Variants in RGS22 observed in about 807,000 individuals in gnomAD.
RGS22 encodes the protein regulator of G-protein signaling 22.
A neutral mutation model predicts 172.9 loss-of-function variants in RGS22; 148 were observed. The ratio of observed to expected loss-of-function variants is 0.86; its 90% CI spans 0.75 to 0.98. The LOEUF (loss-of-function observed/expected upper bound fraction) is 0.98, where lower values mean the gene tolerates loss of function less well. RGS22 is among the 50% of genes least tolerant of loss of function. The pLI is 0.00. For missense variants in RGS22, 1,347 were observed against 1,440.8 expected, an observed-to-expected ratio of 0.93 and a Z score of 1.05; for synonymous variants, 458 against 480.2, an observed-to-expected ratio of 0.95 and a Z score of 0.60.
rs370498454 is a variant in RGS22 at position 99,976,578 on chromosome 8, G to A, written c.3519+1339C>T. ...GGGTTTCACCGTGTTAGCCAGGATGGTCTCGATTTCCTGACTTTGTGATCC... is the reference window on the plus strand; with the variant it reads ...GGGTTTCACCGTGTTAGCCAGGATGATCTCGATTTCCTGACTTTGTGATCC... On this transcript the variant is annotated intron_variant, in intron 23 of 27. Coordinates refer to ENST00000360863, the MANE Select transcript of RGS22 (RefSeq NM_015668.5). Among the ~76,000 whole-genome samples, 266 of 152,202 alleles carry A rather than the reference G, an allele frequency of 1.7e-3. 1 individual carries two copies. In the South Asian group the frequency reaches 0.018, roughly 10 times the overall value.
chr8:99,978,840 T>C (rs555557265), intron 22 of RGS22, among the ~76,000 whole-genome samples: 1 of 152,250 alleles, frequency 6.6e-6, no homozygotes, highest in East Asian at 1.9e-4. Flanking sequence ...GGCCTTTACC[T>C]AATACCCTGG....
intron 11 of RGS22, among the ~76,000 whole-genome samples, chr8:100,042,524 G>A (rs1378598408): frequency 6.6e-6 from 1 of 152,114 alleles, no homozygotes; most frequent in African/African-American, 2.4e-5. Context: ...GATTAGTTTG[G>A]GGTGACATAA....
intron 5 of RGS22, 34 bp downstream of exon 5, chr8:100,072,111 T>C (rs1162734109): frequency 1.5e-6 from 2 of 1,291,702 alleles, no homozygotes; most frequent in African/African-American, 1.5e-5. Context: ...TATATATGTA[T>C]TTAAAAATAC....
chr8:99,973,040 A>C (rs1304022426), intron 23 of RGS22, among the ~76,000 whole-genome samples: 8 of 152,232 alleles, frequency 5.3e-5, no homozygotes, highest in South Asian at 2.1e-4. Context: ...ATGTGGAGAA[A>C]TAGGAACACT....
chr8:100,052,732 G>T, intron 10 of RGS22, 70 bp downstream of exon 10: 2 of 1,356,260 alleles, frequency 1.5e-6, no homozygotes, highest in Non-Finnish European at 1.0e-6. Context: ...AATTATCAGT[G>T]CACAAACACT....
intron 2 of RGS22, among the ~76,000 whole-genome samples, chr8:100,096,884 CAAAA>C (rs1223911803): frequency 6.6e-6 from 1 of 151,336 alleles, no homozygotes; most frequent in Non-Finnish European, 1.5e-5. Flanking sequence ...AAGATACAGA[CAAAA>C]AAACTACAGT....
intron 10 of RGS22, among the ~76,000 whole-genome samples, chr8:100,048,190 C>T (rs976067195): frequency 2.6e-5 from 4 of 151,730 alleles, no homozygotes; most frequent in African/African-American, 7.3e-5. Flanking sequence ...AACTAAATGT[C>T]CAAATGGAGA....
intron 9 of RGS22, among the ~76,000 whole-genome samples, chr8:100,053,627 G>A (rs772882713): frequency 7.9e-5 from 12 of 152,148 alleles, no homozygotes; most frequent in Middle Eastern, 3.4e-3. Flanking sequence ...TAAAATTAAC[G>A]TTTAAAACAT....
At chr8:100,055,123 CCTG>C (rs1554628066) in intron 9 of RGS22, among the ~76,000 whole-genome samples, 1 of 152,146 alleles carries the variant, frequency 6.6e-6, no homozygotes, top group Non-Finnish European at 1.5e-5. Context: ...GGCTTTGCCA[CCTG>C]CTAATTGTAG....
chr8:100,069,244 A>T (rs535875997), intron 6 of RGS22, among the ~76,000 whole-genome samples: 1 of 152,386 alleles, frequency 6.6e-6, no homozygotes, highest in African/African-American at 2.4e-5. Flanking sequence ...GTGCCTATCC[A>T]GAATGCTGTG....
chr8:100,033,859 A>G (rs1316626443), intron 14 of RGS22, among the ~76,000 whole-genome samples: 1 of 152,198 alleles, frequency 6.6e-6, no homozygotes, highest in East Asian at 1.9e-4. Flanking sequence ...AACAATCACA[A>G]AAACCAGATG....
At chr8:100,009,263 C>T (rs1422307242) in intron 14 of RGS22, among the ~76,000 whole-genome samples, 1 of 151,828 alleles carries the variant, frequency 6.6e-6, no homozygotes, top group African/African-American at 2.4e-5. Context: ...ACTAAAAATA[C>T]AAAAATTAGC....
At chr8:99,971,058 C>T (rs531974498) in intron 23 of RGS22, among the ~76,000 whole-genome samples, 128 of 152,204 alleles carry the variant, frequency 8.4e-4, no homozygotes, top group Non-Finnish European at 1.4e-3. Context: ...CCCTGGGATG[C>T]AAGGCTGGTT....
chr8:100,060,430 A>T (rs1007022658), intron 9 of RGS22, among the ~76,000 whole-genome samples: 5 of 145,922 alleles, frequency 3.4e-5, no homozygotes, highest in Non-Finnish European at 6.1e-5. Context: ...ATACACACAC[A>T]CACACACACA....
At chr8:100,008,670 A>G (rs565064386) in intron 14 of RGS22, 101 bp from the exon 15 acceptor site, 32 of 791,078 alleles carry the variant, frequency 4.0e-5, no homozygotes, top group Admixed American at 6.3e-5. Context: ...GAGAAGGCAA[A>G]TAAGCCCACG....
chr8:100,013,639 A>G (rs1407675542), intron 14 of RGS22, among the ~76,000 whole-genome samples: 1 of 152,096 alleles, frequency 6.6e-6, no homozygotes, highest in Non-Finnish European at 1.5e-5. Context: ...TTTTCTTCAA[A>G]ATAAGTTTCT....
At chr8:99,982,921 T>C (rs1812703197) in intron 21 of RGS22, among the ~76,000 whole-genome samples, 1 of 152,166 alleles carries the variant, frequency 6.6e-6, no homozygotes, top group Admixed American at 6.5e-5. Context: ...AGGTAGAGCG[T>C]AGTACCCAAC....
At chr8:99,985,558 C>T (rs149191858) in intron 21 of RGS22, among the ~76,000 whole-genome samples, 66 of 152,294 alleles carry the variant, frequency 4.3e-4, no homozygotes, top group Admixed American at 8.5e-4. Flanking sequence ...TGGATGTCTT[C>T]CTGCCTGAAA....
rs12675475 is a variant in RGS22, at chr8:100,071,020, C to T, written c.594+349G>A. 8.0e-3 allele frequency among the ~76,000 whole-genome samples: 1,216 copies of T among 152,262 alleles called. 15 individuals are homozygous for T. Among genetic ancestry groups the T allele is most frequent in the African/African-American group, 0.028 (1,143 of 41,536 alleles). On this transcript the variant is annotated intron_variant, in intron 6 of 27. Coordinates refer to ENST00000360863, the MANE Select transcript of RGS22 (RefSeq NM_015668.5). ...AATTCTGGCCAGGCGTGGTAGCTTA[C>T]GCCTGTAATCCCAGCACTTTGGGAG...
Sources: allele counts gnomAD v4.1 joint callset (sites outside exome capture counted in the v4.1 genomes callset), GRCh38; gene constraint gnomAD v4.1.1; transcripts MANE v1.5; gene names NCBI Gene and HGNC (gene_info 2026-07-23, HGNC 2026-07-21).